The following NFATC1 variants were observed in gnomAD, a reference collection of about 807,000 sequenced individuals.
NFATC1 encodes the protein nuclear factor of activated T cells 1.
Under a neutral mutation model 76.0 loss-of-function variants are expected in NFATC1, and 22 were observed. The observed-to-expected ratio is 0.29, with a 90% CI of 0.21 to 0.41. The LOEUF (loss-of-function observed/expected upper bound fraction) is 0.41. NFATC1 is among the 10% of genes least tolerant of loss of function. The pLI, the probability that NFATC1 is intolerant of heterozygous loss-of-function variation, is 1.00. For synonymous variants in NFATC1, 704 were observed against 613.1 expected, an observed-to-expected ratio of 1.15 and a Z score of -2.19; for missense variants, 1,357 against 1,337.7, an observed-to-expected ratio of 1.01 and a Z score of -0.23.
intron 2 of NFATC1, among the ~76,000 whole-genome samples, chr18:79,423,263 TCA>T (rs370469552): frequency 1.9e-3 from 294 of 152,338 alleles, no homozygotes; most frequent in African/African-American, 6.6e-3. Flanking sequence ...CACTCCGGCC[TCA>T]CAGCCCAGAT....
At chr18:79,479,245 C>T (rs1034503454) in intron 8 of NFATC1, among the ~76,000 whole-genome samples, 2 of 152,270 alleles carry the variant, frequency 1.3e-5, no homozygotes, top group East Asian at 1.9e-4. Flanking sequence ...CTACCCCAGC[C>T]CCTCATGGCT....
chr18:79,396,313 C>A lies in NFATC1; in HGVS notation c.89C>A (p.Ala30Glu). 1 of 1,421,838 alleles carries A rather than the reference C, an allele frequency of 7.0e-7. No homozygotes were observed. Among genetic ancestry groups the A allele is most frequent in the Non-Finnish European group, 9.3e-7 (1 of 1,073,276 alleles). The allele number at this position is 1,421,838 out of a possible 1,614,324, so 88.1% of individuals were successfully genotyped here. A position where few individuals can be genotyped will look rare whatever the true frequency, so the allele number is the denominator to read the frequency against. The change falls in exon 1 of 10, where the codon GCG (alanine) becomes GAG (glutamate). Residue 30 changes from alanine to glutamate, a missense_variant. Transcript: ENST00000427363. ...VFGRGETLGP[A>E]PRAGGTMKSA... is the part of the protein sequence containing the mutation. Reference sequence around the variant, plus strand: ...GGGAGAGGAGAAACTTTGGGGCCCGCGCCGCGCGCCGGCGGCACCATGAAG... The same window carrying A: ...GGGAGAGGAGAAACTTTGGGGCCCGAGCCGCGCGCCGGCGGCACCATGAAG...
In NFATC1 at chr18:79,410,467, C is replaced by G; in HGVS notation, c.192C>G (p.Thr64=). ...TGCCGCTCCCCACGGCGCACTCCAC[C>G]CTGCCGGCCCCGTGCCACAACCTTC... ...PALPLPTAHS[T]LPAPCHNLQT... Residue 64 remains threonine, a synonymous_variant, in exon 2 of 10, where the codon ACC becomes ACG. Coordinates refer to ENST00000427363, the MANE Select transcript of NFATC1 (RefSeq NM_001278669.2). This position sits in a 1 kb window ranked among gnomAD's most constrained non-coding sequence, Gnocchi z 6.7. The G allele has an allele frequency of 6.2e-7, 1 of 1,612,480 alleles. No individual in the cohort carries two copies. The highest frequency in any genetic ancestry group is 8.5e-7 in the Non-Finnish European group (1 of 1,179,890).
intron 9 of NFATC1, among the ~76,000 whole-genome samples, chr18:79,489,039 C>A (rs1195311216): frequency 6.6e-6 from 1 of 152,204 alleles, no homozygotes; most frequent in Non-Finnish European, 1.5e-5. Flanking sequence ...TTGACCCGCA[C>A]GGTGCTCAGG....
Position 79,499,648 on chromosome 18 carries a change from A to C in NFATC1, c.2782+12711A>C, listed in dbSNP as rs894571825. On this transcript the variant is annotated intron_variant, in intron 9 of 9. Coordinates refer to ENST00000427363, the MANE Select transcript of NFATC1 (RefSeq NM_001278669.2). Reference sequence around the variant, plus strand: ...ATGCTGTCTAAAAAATACATATTTTAGATTTAAAGACACAAATAGGTTGAA... The same window carrying C: ...ATGCTGTCTAAAAAATACATATTTTCGATTTAAAGACACAAATAGGTTGAA... Among the ~76,000 whole-genome samples the C allele has an allele frequency of 5.2e-5, 8 of 152,384 alleles. 2 individuals are homozygous for C. Among genetic ancestry groups the C allele is most frequent in the Admixed American group, 6.5e-5 (1 of 15,310 alleles).
chr18:79,495,077 G>A (rs2089839779), intron 9 of NFATC1, among the ~76,000 whole-genome samples: 1 of 152,264 alleles, frequency 6.6e-6, no homozygotes, highest in Non-Finnish European at 1.5e-5. Context: ...AGGAAATGGG[G>A]GCAAGGATGG....
At chr18:79,467,072 T>C (rs1390012262) in intron 7 of NFATC1, among the ~76,000 whole-genome samples, 1 of 152,208 alleles carries the variant, frequency 6.6e-6, no homozygotes, top group Non-Finnish European at 1.5e-5. Flanking sequence ...TCTTTCCCCA[T>C]ATTGACAAGA....
At chr18:79,409,133 C>T (rs2085551718) in intron 1 of NFATC1, among the ~76,000 whole-genome samples, 1 of 77,170 alleles carries the variant, frequency 1.3e-5, no homozygotes, top group African/African-American at 3.1e-5. Context: ...TTCCTCCATT[C>T]CCTATCCATC....
intron 1 of NFATC1, among the ~76,000 whole-genome samples, chr18:79,398,038 G>A (rs563416808): frequency 2.0e-5 from 3 of 152,262 alleles, no homozygotes; most frequent in South Asian, 2.1e-4. Flanking sequence ...TGAGACCACC[G>A]GGAAGAACTC....
chr18:79,489,734 C>T (rs1025266806), intron 9 of NFATC1, among the ~76,000 whole-genome samples: 5 of 152,302 alleles, frequency 3.3e-5, no homozygotes, highest in Admixed American at 6.5e-5. Flanking sequence ...ACGTACGCTT[C>T]GTCAGGCCCA....
intron 5 of NFATC1, 117 bp downstream of exon 5, chr18:79,451,243 A>C: frequency 7.9e-7 from 1 of 1,272,452 alleles, no homozygotes; most frequent in Non-Finnish European, 1.1e-6. Context: ...GGTTCCCACC[A>C]AACCCACCAC....
At chr18:79,433,394 C>T (rs1242663872) in intron 2 of NFATC1, among the ~76,000 whole-genome samples, 185 bp from the exon 3 acceptor site, 6 of 152,196 alleles carry the variant, frequency 3.9e-5, no homozygotes, top group Admixed American at 6.5e-5. Flanking sequence ...GAGAACTGGC[C>T]GGGCCGTGGC....
In NFATC1 at chr18:79,451,721, C is replaced by T. The variant is rs370530437; in HGVS notation, c.1808C>T (p.Thr603Met). The change falls in exon 6 of 10, where the codon ACG (threonine) becomes ATG (methionine). Residue 603 changes from threonine (T) to methionine (M), a missense_variant. By Grantham distance (81) the Thr-to-Met change is moderately conservative. Coordinates refer to ENST00000427363, the MANE Select transcript of NFATC1 (RefSeq NM_001278669.2). ...CTGCCTCTGGTGGAGAAGCAGAGCA[C>T]GGACAGCTATCCGGTCGTGGGCGGG... Reference protein sequence around the residue: ...QELPLVEKQSTDSYPVVGGKK... With the variant: ...QELPLVEKQSMDSYPVVGGKK... The T allele has an allele frequency of 6.8e-6, 11 of 1,612,686 alleles. No homozygotes were observed. Among genetic ancestry groups the T allele is most frequent in the South Asian group, 4.4e-5 (4 of 90,720 alleles).
intron 9 of NFATC1, among the ~76,000 whole-genome samples, chr18:79,504,852 G>C: frequency 3.6e-5 from 5 of 139,304 alleles, no homozygotes; most frequent in South Asian, 2.6e-4. Context: ...GGTGCTGGAG[G>C]CCCTTGGGTG....
chr18:79,480,134 A>G (rs1042398646), intron 8 of NFATC1, among the ~76,000 whole-genome samples: 4 of 152,180 alleles, frequency 2.6e-5, no homozygotes, highest in Non-Finnish European at 5.9e-5. Context: ...CCAGACTCAC[A>G]AGATGCCGTC....
chr18:79,435,101 G>A (rs2144676560), intron 3 of NFATC1, among the ~76,000 whole-genome samples: 1 of 152,350 alleles, frequency 6.6e-6, no homozygotes, highest in Admixed American at 6.5e-5. Flanking sequence ...TGCTCAGTGG[G>A]AAGGATATTA....
rs575853104 is a variant in NFATC1 at position 79,519,586 on chromosome 18, G to A, written c.2783-7942G>A. The stretch of plus-strand genomic sequence containing the variant: ...ACTTTTGGCCTCAAGTGATCCTCCC[G>A]CCTTGGCTTCCCAAAGTGCTGGGAT... On this transcript the variant is annotated intron_variant, in intron 9 of 9. Transcript: ENST00000427363. Among the ~76,000 whole-genome samples the A allele has an allele frequency of 4.6e-5, 7 of 152,246 alleles. No individual in the cohort carries two copies. The South Asian group carries it at 6.2e-4, about 14-fold the overall frequency.
chr18:79,501,468 TG>T (rs2090012496), intron 9 of NFATC1, among the ~76,000 whole-genome samples: 1 of 152,218 alleles, frequency 6.6e-6, no homozygotes, highest in Non-Finnish European at 1.5e-5. Flanking sequence ...AGCCTTGTAC[TG>T]GAGGTTCTAG....
chr18:79,520,977 G>C (rs1300614306), intron 9 of NFATC1, among the ~76,000 whole-genome samples: 4 of 75,286 alleles, frequency 5.3e-5, no homozygotes, highest in Non-Finnish European at 7.8e-5. Flanking sequence ...GGGGGCATCC[G>C]CTGATGTGTG....
Sources: gnomAD v4.1 joint callset for allele counts (sites outside exome capture counted in the v4.1 genomes callset) on GRCh38, gnomAD v4.1.1 for gene constraint, Gnocchi (gnomAD v3.1) non-coding constraint, MANE v1.5 for transcripts, NCBI Gene and HGNC (gene_info 2026-07-23, HGNC 2026-07-21) for gene names.